TNRC18: variants seen among roughly 807,000 people sequenced by gnomAD.
The protein encoded by TNRC18 is trinucleotide repeat containing 18.
A neutral mutation model predicts 226.7 loss-of-function variants in TNRC18; 69 were observed. The observed-to-expected ratio is 0.30, with a 90% CI of 0.25 to 0.37. The LOEUF is 0.37. Among genes scored for constraint, TNRC18 ranks in the 10% least tolerant of loss-of-function variants. The pLI is 1.00. For synonymous variants in TNRC18, 2,449 were observed against 1,927.6 expected (o/e 1.27, Z -7.09); for missense variants, 4,754 against 4,256.6 (o/e 1.12, Z -3.25).
At chr7:5,314,908 A>G in intron 26 of TNRC18, 76 bp downstream of exon 26, 3 of 1,452,880 alleles carry the variant, frequency 2.1e-6, no homozygotes, top group Non-Finnish European at 2.8e-6. Flanking sequence ...GCACTTCGGC[A>G]GGTTCCCAAG....
chr7:5,390,242 G>A (rs1201678569), intron 4 of TNRC18: 5 of 544,780 alleles, frequency 9.2e-6, no homozygotes, highest in Non-Finnish European at 1.6e-5. Flanking sequence ...GGGTGTGTCT[G>A]CAGTCCCAGC....
At chr7:5,414,466 G>A (rs1257777544) in intron 2 of TNRC18, among the ~76,000 whole-genome samples, 1 of 151,500 alleles carries the variant, frequency 6.6e-6, no homozygotes, top group East Asian at 1.9e-4. Context: ...AGGCTGGAGT[G>A]CAATGGCGCG....
In TNRC18 at chr7:5,374,355, C is replaced by T; in HGVS notation, c.2929G>A (p.Gly977Ser). The change falls in exon 10 of 30, where the codon GGC becomes AGC. Residue 977 changes from glycine to serine, a missense_variant. Transcript: ENST00000430969. ...GPGLLPRKPP[G>S]LAAGPAGTYG... ...GTGCCCGCGGGGCCGGCGGCCAGGC[C>T]AGGGGGCTTCCGCGGCAGCAGCCCG... 1 of 1,462,962 alleles carries T rather than the reference C, an allele frequency of 6.8e-7. No individual in the cohort carries two copies. The highest frequency in any genetic ancestry group is 9.0e-7 in the Non-Finnish European group (1 of 1,113,064). The allele number at this position is 1,462,962 out of a possible 1,614,324, so 90.6% of individuals were successfully genotyped here.
Position 5,394,713 on chromosome 7 carries a change from G to C in TNRC18, c.188-118C>G. 1 of 768,942 alleles carries C rather than the reference G, an allele frequency of 1.3e-6. No homozygotes were observed. The highest frequency in any genetic ancestry group is 2.9e-5 in the East Asian group (1 of 34,708). 47.6% of individuals were successfully genotyped at this position (768,942 alleles called of 1,614,324 possible). On this transcript the variant is annotated intron_variant, in intron 2 of 29. Coordinates refer to ENST00000430969, the MANE Select transcript of TNRC18 (RefSeq NM_001080495.3). The surrounding 1 kb of genome is among the most constrained non-coding windows in gnomAD (Gnocchi z 4.5). ...CGCCTCTCCCCAGCTGTGTGGAGCTGATGCTGGCCAGGAGACCAAAGAGGG... is the reference window on the plus strand; with the variant it reads ...CGCCTCTCCCCAGCTGTGTGGAGCTCATGCTGGCCAGGAGACCAAAGAGGG...
In TNRC18 at chr7:5,378,010, C is replaced by T; in HGVS notation, c.2167G>A (p.Asp723Asn). ...GCCCGGTCGTCCACACAGTCCTCAT[C>T]TGCTCGGCCGTGCCCTGCAGGGGGC... is the stretch of plus-strand genomic sequence containing the variant. Reference protein sequence around the residue: ...LSNVKGHGRADEDCVDDRARH... With the variant: ...LSNVKGHGRANEDCVDDRARH... Residue 723 changes from aspartate to asparagine, a missense_variant, in exon 6 of 30, where the codon GAT becomes AAT. By Grantham distance (23) the Asp-to-Asn change is conservative. Coordinates refer to ENST00000430969, the MANE Select transcript of TNRC18 (RefSeq NM_001080495.3). 6.2e-7 allele frequency: 1 copy of T among 1,611,614 alleles called. No individual in the cohort carries two copies. The highest frequency in any genetic ancestry group is 8.5e-7 in the Non-Finnish European group (1 of 1,179,720).
chr7:5,387,609 TGTAC>T, intron 5 of TNRC18, 59 bp downstream of exon 5: 1 of 1,584,404 alleles, frequency 6.3e-7, no homozygotes, highest in Non-Finnish European at 8.5e-7. Flanking sequence ...CACACTGTAA[TGTAC>T]GGGAAACGGC....
chr7:5,335,228 G>A (rs375375879), intron 18 of TNRC18, among the ~76,000 whole-genome samples: 31 of 148,748 alleles, frequency 2.1e-4, no homozygotes, highest in African/African-American at 7.2e-4. Context: ...ACTTGGACCC[G>A]GAGGTGGAGG....
chr7:5,376,359 G>C, intron 8 of TNRC18, 135 bp from the exon 9 acceptor site: 2 of 806,060 alleles, frequency 2.5e-6, no homozygotes, highest in Non-Finnish European at 3.7e-6. Context: ...GCCCCCGGCT[G>C]CTCCCCAGGG....
At chr7:5,407,432 C>T (rs1463539580) in intron 2 of TNRC18, 1 of 152,318 alleles carries the variant, frequency 6.6e-6, no homozygotes, top group Non-Finnish European at 1.5e-5. Context: ...TCCTACACCT[C>T]CAGCCTCCGC....
chr7:5,308,648 G>C (rs1256554649), intron 29 of TNRC18, among the ~76,000 whole-genome samples: 5 of 152,182 alleles, frequency 3.3e-5, no homozygotes, highest in African/African-American at 9.7e-5. Context: ...AATGGCCAGA[G>C]ACTCAGAGAC....
intron 18 of TNRC18, among the ~76,000 whole-genome samples, chr7:5,337,828 CA>C (rs1384884528): frequency 6.6e-6 from 1 of 151,906 alleles, no homozygotes; most frequent in African/African-American, 2.4e-5. Flanking sequence ...ACTAAAAATA[CA>C]AAAATTAGCC....
At chr7:5,400,667 A>G (rs1781023038) in intron 2 of TNRC18, among the ~76,000 whole-genome samples, 1 of 152,220 alleles carries the variant, frequency 6.6e-6, no homozygotes, top group Non-Finnish European at 1.5e-5. Flanking sequence ...ACACAGGATG[A>G]ATACACCAAA....
At chr7:5,354,868 G>C (rs1252816637) in intron 16 of TNRC18, among the ~76,000 whole-genome samples, 1 of 152,180 alleles carries the variant, frequency 6.6e-6, no homozygotes, top group Non-Finnish European at 1.5e-5. Flanking sequence ...TTAACTCTGA[G>C]TCCATAAACA....
At chr7:5,421,913 AAC>A (rs1255377030) in intron 1 of TNRC18, among the ~76,000 whole-genome samples, 2 of 152,190 alleles carry the variant, frequency 1.3e-5, no homozygotes, top group East Asian at 3.8e-4. Context: ...TGTCTCCCAA[AAC>A]ACTCTGGCAC....
At position 5,394,638 on chromosome 7, in the gene TNRC18, G is replaced by A; in HGVS notation, c.188-43C>T. ...GAGGACCGTCAGGCAGACAACCAGG[G>A]AGGCGCCGCCGCCCCAGCCCACCGC... On this transcript the variant is annotated intron_variant, in intron 2 of 29. Coordinates refer to ENST00000430969, the MANE Select transcript of TNRC18 (RefSeq NM_001080495.3). The surrounding 1 kb of genome is among the most constrained non-coding windows in gnomAD (Gnocchi z 4.5). The A allele has an allele frequency of 6.7e-7, 1 of 1,496,340 alleles. No individual in the cohort carries two copies. Among genetic ancestry groups the A allele is most frequent in the Non-Finnish European group, 9.0e-7 (1 of 1,112,356 alleles). The allele number at this position is 1,496,340 out of a possible 1,614,324, so 92.7% of individuals were successfully genotyped here. A position where few individuals can be genotyped will look rare whatever the true frequency, so the allele number is the denominator to read the frequency against.
chr7:5,323,933 G>A (rs907526705), intron 21 of TNRC18, among the ~76,000 whole-genome samples: 5 of 152,124 alleles, frequency 3.3e-5, no homozygotes, highest in African/African-American at 1.2e-4. Context: ...AGAAAGCTTC[G>A]CATTTTCCTT....
chr7:5,329,921 A>C (rs531274205), intron 19 of TNRC18: 17 of 471,058 alleles, frequency 3.6e-5, no homozygotes, highest in African/African-American at 3.4e-4. Flanking sequence ...ATCCAGCTAT[A>C]ATACCAGAGG....
intron 5 of TNRC18, among the ~76,000 whole-genome samples, chr7:5,383,052 G>C (rs980911918): frequency 6.6e-6 from 1 of 151,054 alleles, no homozygotes; most frequent in Non-Finnish European, 1.5e-5. Flanking sequence ...ACACCACTAT[G>C]CTCGGATGAT....
Position 5,388,179 on chromosome 7 carries a change from T to C in TNRC18, c.1645A>G (p.Lys549Glu), listed in dbSNP as rs756643420. ...AAVVAASSSK[K>E]AYLDPGAVLP... The stretch of plus-strand genomic sequence containing the variant: ...ACAGCCCCAGGGTCCAGGTAGGCCT[T>C]CTTGGAGGAGGAGGCAGCGACCACG... Residue 549 changes from lysine (K) to glutamate (E), a missense_variant, in exon 5 of 30, where the codon AAG becomes GAG. Lys to Glu is a moderately conservative substitution (Grantham distance 56). Coordinates refer to ENST00000430969, the MANE Select transcript of TNRC18 (RefSeq NM_001080495.3). The C allele has an allele frequency of 1.7e-5, 27 of 1,584,056 alleles. No individual in the cohort carries two copies. The highest frequency in any genetic ancestry group is 3.4e-5 in the South Asian group (3 of 87,414).
Sources: allele counts gnomAD v4.1 joint callset (sites outside exome capture counted in the v4.1 genomes callset), GRCh38; gene constraint gnomAD v4.1.1; non-coding constraint Gnocchi (gnomAD v3.1); transcripts MANE v1.5; gene names NCBI Gene and HGNC (gene_info 2026-07-23, HGNC 2026-07-21).